Variants in OR8B2 observed in about 807,000 individuals in gnomAD.
OR8B2 encodes olfactory receptor family 8 subfamily B member 2.
For synonymous variants in OR8B2, 98 were observed against 138.2 expected, an observed-to-expected ratio of 0.71 and a Z score of 2.04; for missense variants, 304 against 379.6, an observed-to-expected ratio of 0.80 and a Z score of 1.65.
the OR8B2 span, among the ~76,000 whole-genome samples, chr11:124,394,261 AAAT>A: frequency 2.8e-5 from 3 of 105,964 alleles, no homozygotes; most frequent in African/African-American, 7.4e-5. Flanking sequence ...ATAATAATAA[AAAT>A]AAATAAATAA....
the OR8B2 span, among the ~76,000 whole-genome samples, chr11:124,393,358 C>CTA: frequency 0.033 from 4,742 of 144,592 alleles, 301 homozygotes; most frequent in African/African-American, 0.081. Flanking sequence ...TTTTCACAAC[C>CTA]CTCATGTGAC....
At chr11:124,383,937 C>T (rs1369477090) in intron 1 of OR8B2, among the ~76,000 whole-genome samples, 4 of 152,174 alleles carry the variant, frequency 2.6e-5, no homozygotes, top group Non-Finnish European at 5.9e-5. Flanking sequence ...TACACATTCT[C>T]CTCTATTCCA....
chr11:124,393,737 C>A, the OR8B2 span, among the ~76,000 whole-genome samples: 2 of 151,402 alleles, frequency 1.3e-5, no homozygotes, highest in Non-Finnish European at 2.9e-5. Flanking sequence ...CCATTTGACC[C>A]AGCCATCCCA....
At chr11:124,396,602 CAG>C in the OR8B2 span, 1 of 1,612,658 alleles carries the variant, frequency 6.2e-7, no homozygotes, top group African/African-American at 1.3e-5. Context: ...ACCCAAAAAA[CAG>C]AGACAGAGCA....
chr11:124,382,876 G>A lies in OR8B2; in HGVS notation c.468C>T (p.Ala156=). The A allele has an allele frequency of 6.2e-7, 1 of 1,602,694 alleles. No individual in the cohort carries two copies. Among genetic ancestry groups the A allele is most frequent in the African/African-American group, 1.3e-5 (1 of 74,510 alleles). Residue 156 remains alanine, a synonymous_variant, in exon 2 of 2, where the codon GCC becomes GCT. Coordinates refer to ENST00000641451, the MANE Select transcript of OR8B2 (RefSeq NM_001005468.2). The part of the protein sequence containing the change: ...FAAYIMGLAG[A]TAHTGCMLRL... ...TAAGCATGCACCCGGTGTGGGCCGTGGCTCCAGCCAATCCCATTATGTAAG... is the reference window on the plus strand; with the variant it reads ...TAAGCATGCACCCGGTGTGGGCCGTAGCTCCAGCCAATCCCATTATGTAAG...
At chr11:124,386,847 G>A (rs556649388), upstream of OR8B2, among the ~76,000 whole-genome samples, 1 of 151,650 alleles carries the variant, frequency 6.6e-6, no homozygotes, top group Non-Finnish European at 1.5e-5. Flanking sequence ...ACTTCCACAA[G>A]GGTTGAACTA....
At chr11:124,392,239 C>T in the OR8B2 span, among the ~76,000 whole-genome samples, 3 of 108,252 alleles carry the variant, frequency 2.8e-5, no homozygotes, top group East Asian at 5.0e-4. Flanking sequence ...TCCTATTCAA[C>T]ATAGTGTTGG....
At chr11:124,388,953 G>A (rs113237765), upstream of OR8B2, among the ~76,000 whole-genome samples, 1 of 151,412 alleles carries the variant, frequency 6.6e-6, no homozygotes, top group Non-Finnish European at 1.5e-5. Context: ...AGCCTCCCAA[G>A]TAGCTGGGAT....
upstream of OR8B2, among the ~76,000 whole-genome samples, chr11:124,388,998 G>A (rs919022020): frequency 1.3e-5 from 2 of 151,796 alleles, no homozygotes; most frequent in African/African-American, 2.4e-5. Flanking sequence ...GCTAATTTTA[G>A]TATTTTTAGT....
the OR8B2 span, among the ~76,000 whole-genome samples, chr11:124,393,840 G>C: frequency 6.6e-6 from 1 of 150,822 alleles, no homozygotes; most frequent in African/African-American, 2.5e-5. Flanking sequence ...CAATAGCAAA[G>C]ACTTGGAACC....
At chr11:124,387,274 T>A (rs1365417318), upstream of OR8B2, among the ~76,000 whole-genome samples, 1 of 152,278 alleles carries the variant, frequency 6.6e-6, no homozygotes, top group East Asian at 1.9e-4. Flanking sequence ...TAGATCTCAT[T>A]TGTCAATTTT....
the OR8B2 span, chr11:124,396,742 C>T: frequency 1.2e-6 from 2 of 1,613,750 alleles, no homozygotes; most frequent in Non-Finnish European, 1.7e-6. Context: ...ATATTAATAC[C>T]CACAACAATG....
chr11:124,396,426 C>T, the OR8B2 span: 9 of 1,600,262 alleles, frequency 5.6e-6, no homozygotes, highest in South Asian at 1.0e-4. Context: ...TATATTTCTT[C>T]TCTGAATTTT....
chr11:124,396,663 G>T, the OR8B2 span: 412 of 1,612,498 alleles, frequency 2.6e-4, 1 homozygote, highest in African/African-American at 4.5e-3. Flanking sequence ...TCCTTGAGTG[G>T]ATTTGATATG....
Position 124,384,464 on chromosome 11 carries a change from C to T in OR8B2, c.-108G>A, listed in dbSNP as rs908498376. 9.8e-5 allele frequency: 15 copies of T among 152,290 alleles called. No homozygotes were observed. The highest frequency in any genetic ancestry group is 1.2e-4 in the Non-Finnish European group (8 of 68,028). 9.4% of individuals were successfully genotyped at this position (152,290 alleles called of 1,614,324 possible). ...GTAGAACTGGTGGTGAAGGTATCTA[C>T]GTTGACCACATGTAGTCAAAGAATC... On this transcript the variant is annotated 5_prime_UTR_variant, in exon 1 of 2. Coordinates refer to ENST00000641451, the MANE Select transcript of OR8B2 (RefSeq NM_001005468.2).
At chr11:124,388,563 T>TCC (rs951306971), upstream of OR8B2, among the ~76,000 whole-genome samples, 2 of 152,128 alleles carry the variant, frequency 1.3e-5, no homozygotes, top group East Asian at 3.9e-4. Flanking sequence ...CATTTCAAGC[T>TCC]CCCAGGACTT....
At chr11:124,386,120 C>T (rs369469794), upstream of OR8B2, among the ~76,000 whole-genome samples, 1 of 151,392 alleles carries the variant, frequency 6.6e-6, no homozygotes, top group East Asian at 1.9e-4. Flanking sequence ...GCAGATACTG[C>T]TTGTTTATCT....
chr11:124,389,561 T>A, the OR8B2 span, among the ~76,000 whole-genome samples: 1 of 152,206 alleles, frequency 6.6e-6, no homozygotes. Flanking sequence ...TAATCTTAGA[T>A]GGGCTCTCAC....
Position 124,383,056 on chromosome 11 carries a change from C to T in OR8B2, c.288G>A (p.Gly96=). The T allele has an allele frequency of 6.2e-7, 1 of 1,613,852 alleles. No homozygotes were observed. Among genetic ancestry groups the T allele is most frequent in the Non-Finnish European group, 8.5e-7 (1 of 1,179,844 alleles). The change falls in exon 2 of 2, where the codon GGG becomes GGA. Residue 96 remains glycine, a synonymous_variant. Transcript: ENST00000641451. ...VSKKNIISNV[G]CMTRLFFFLF... is the part of the protein sequence containing the mutation. ...GAAAGAAAAACAGCCGAGTCATGCACCCAACATTGGAGATAATATTCTTTT... is the reference window on the plus strand; with the variant it reads ...GAAAGAAAAACAGCCGAGTCATGCATCCAACATTGGAGATAATATTCTTTT...
Sources: allele counts gnomAD v4.1 joint callset (sites outside exome capture counted in the v4.1 genomes callset), GRCh38; gene constraint gnomAD v4.1.1; transcripts MANE v1.5; gene names NCBI Gene and HGNC (gene_info 2026-07-23, HGNC 2026-07-21).